RTP2: variants seen among roughly 807,000 people sequenced by gnomAD.
RTP2 encodes the protein receptor-transporting protein 2.
In RTP2, 12 loss-of-function variants were observed where a neutral mutation model predicts 17.9. The ratio of observed to expected loss-of-function variants is 0.67; its 90% CI spans 0.43 to 1.09. The LOEUF (loss-of-function observed/expected upper bound fraction) is 1.09. RTP2 is among the 50% of genes least tolerant of loss of function. The probability of loss-of-function intolerance (pLI) is 0.00; values close to 1 mark genes in which losing one functional copy is unlikely to be tolerated. For synonymous variants in RTP2, 126 were observed against 117.7 expected (o/e 1.07, Z -0.46); for missense variants, 327 against 295.7 (o/e 1.11, Z -0.78).
intron 1 of RTP2, 57 bp from the exon 2 acceptor site, chr3:187,699,068 G>A (rs1717776724): frequency 2.0e-6 from 3 of 1,498,570 alleles, no homozygotes; most frequent in Non-Finnish European, 2.7e-6. Context: ...AGCCTGCCCT[G>A]AGAAGCTCTG....
At chr3:187,706,705 C>T (rs6780576), upstream of RTP2, among the ~76,000 whole-genome samples, 6,497 of 152,176 alleles carry the variant, frequency 0.043, 192 homozygotes, top group Non-Finnish European at 0.063. Context: ...TGAGTTCAAG[C>T]GATTCTCCTG....
the RTP2 span, among the ~76,000 whole-genome samples, chr3:187,707,794 G>GTCTAAAA: frequency 1.3e-5 from 2 of 152,086 alleles, no homozygotes; most frequent in African/African-American, 2.4e-5. Context: ...CCATAAATTG[G>GTCTAAAA]CTGATGTCTA....
chr3:187,713,274 T>C, the RTP2 span, among the ~76,000 whole-genome samples: 1 of 152,194 alleles, frequency 6.6e-6, no homozygotes, highest in Non-Finnish European at 1.5e-5. Context: ...ATTTTGACCC[T>C]AAGAGAATAC....
upstream of RTP2, among the ~76,000 whole-genome samples, chr3:187,706,410 G>A (rs758121062): frequency 6.6e-6 from 1 of 152,034 alleles, no homozygotes; most frequent in Non-Finnish European, 1.5e-5. Flanking sequence ...GTAAAGCTTG[G>A]GAAGAGAGAA....
rs781178197 is a variant in RTP2, at chr3:187,702,065, T to A, written c.64A>T (p.Lys22Ter). ...ATGAGCTCCCAGCTGTCCGCTGGCT[T>A]TGCCACCTCCATCTTCTCATAGAAG... Residue 22 changes from lysine to a stop codon, truncating the protein, a stop_gained, in exon 1 of 2, where the codon AAG (lysine) becomes TAG (stop). Transcript: ENST00000358241. LOFTEE classifies it high-confidence loss of function. 1 of 1,613,784 alleles carries A rather than the reference T, an allele frequency of 6.2e-7. No homozygotes were observed. Among genetic ancestry groups the A allele is most frequent in the East Asian group, 2.2e-5 (1 of 44,870 alleles).
At position 187,698,329 on chromosome 3, in the gene RTP2, A is replaced by G. The variant is rs548160839; in HGVS notation, c.*169T>C. 1.8e-4 allele frequency: 109 copies of G among 612,038 alleles called. No individual in the cohort carries two copies. The African/African-American group carries it at 1.9e-3, about 10-fold the overall frequency. The allele number at this position is 612,038 out of a possible 1,614,324, so 37.9% of individuals were successfully genotyped here. The stretch of plus-strand genomic sequence containing the variant: ...TATTGTCACATCCAGTGAAAGAATC[A>G]TTGCCTATCTTCTAATGCAATCCTC... On this transcript the variant is annotated 3_prime_UTR_variant, in exon 2 of 2. Transcript: ENST00000358241.
chr3:187,707,102 G>C (rs1184493293), upstream of RTP2, among the ~76,000 whole-genome samples: 1 of 151,738 alleles, frequency 6.6e-6, no homozygotes, highest in Non-Finnish European at 1.5e-5. Flanking sequence ...TAGGTCTATG[G>C]GCCAAAACAT....
chr3:187,704,407 T>C (rs1236890872), upstream of RTP2, among the ~76,000 whole-genome samples: 1 of 152,202 alleles, frequency 6.6e-6, no homozygotes, highest in Admixed American at 6.5e-5. Flanking sequence ...TTCTGAAAAC[T>C]GTATACACCT....
chr3:187,711,592 T>C, the RTP2 span, among the ~76,000 whole-genome samples: 1 of 152,252 alleles, frequency 6.6e-6, no homozygotes, highest in Non-Finnish European at 1.5e-5. Flanking sequence ...TTGATCTTTC[T>C]TAATTATGCT....
chr3:187,701,649 C>T (rs1184173123), intron 1 of RTP2, among the ~76,000 whole-genome samples: 1 of 152,124 alleles, frequency 6.6e-6, no homozygotes, highest in African/African-American at 2.4e-5. Flanking sequence ...GACCTCATGG[C>T]CTCCTTCCTT....
At chr3:187,704,465 T>G (rs547297802), upstream of RTP2, among the ~76,000 whole-genome samples, 17 of 152,320 alleles carry the variant, frequency 1.1e-4, no homozygotes, top group South Asian at 3.5e-3. Flanking sequence ...AAATTTGCTC[T>G]CCACCTACTC....
the RTP2 span, among the ~76,000 whole-genome samples, chr3:187,711,001 A>AT: frequency 6.6e-6 from 1 of 152,140 alleles, no homozygotes; most frequent in South Asian, 2.1e-4. Context: ...CTCTGCTGAG[A>AT]TTTTGGATGT....
At chr3:187,713,695 A>G in the RTP2 span, among the ~76,000 whole-genome samples, 1 of 152,126 alleles carries the variant, frequency 6.6e-6, no homozygotes, top group African/African-American at 2.4e-5. Flanking sequence ...AGTGAAGACT[A>G]GGCCTACAAT....
chr3:187,704,955 T>G (rs1401858075), upstream of RTP2, among the ~76,000 whole-genome samples: 1 of 152,156 alleles, frequency 6.6e-6, no homozygotes, highest in Non-Finnish European at 1.5e-5. Flanking sequence ...TGCAGGCAAG[T>G]GACATTCTGT....
chr3:187,714,172 G>C, the RTP2 span, among the ~76,000 whole-genome samples: 1 of 152,132 alleles, frequency 6.6e-6, no homozygotes, highest in African/African-American at 2.4e-5. Context: ...GAGATGAAAG[G>C]CTTTTGTGAT....
At chr3:187,704,758 C>T (rs969789813), upstream of RTP2, among the ~76,000 whole-genome samples, 1 of 152,136 alleles carries the variant, frequency 6.6e-6, no homozygotes, top group Non-Finnish European at 1.5e-5. Flanking sequence ...AAGGCCTCTC[C>T]ATCCCCAGGA....
the RTP2 span, among the ~76,000 whole-genome samples, chr3:187,709,087 T>C: frequency 2.0e-5 from 3 of 152,232 alleles, no homozygotes; most frequent in African/African-American, 7.2e-5. Flanking sequence ...GAAAGCTCCA[T>C]ATCCTCTTTG....
exon 2 of RTP2, chr3:187,698,616 C>T (rs994672924): frequency 6.2e-7 from 1 of 1,614,230 alleles, no homozygotes; most frequent in Non-Finnish European, 8.5e-7. Flanking sequence ...CGCCTGGGCC[C>T]TCGGCTTGGA....
the RTP2 span, among the ~76,000 whole-genome samples, chr3:187,711,287 A>T: frequency 7.7e-4 from 118 of 152,310 alleles, no homozygotes; most frequent in Non-Finnish European, 9.7e-4. Flanking sequence ...CCCTGCCCTC[A>T]TGGATTCAGT....
Sources: allele counts gnomAD v4.1 joint callset (sites outside exome capture counted in the v4.1 genomes callset), GRCh38; gene constraint gnomAD v4.1.1; transcripts MANE v1.5; gene names NCBI Gene and HGNC (gene_info 2026-07-23, HGNC 2026-07-21).